SVEP1: variants seen among roughly 807,000 people sequenced by gnomAD.
SVEP1 encodes sushi, von Willebrand factor type A, EGF and pentraxin domain-containing protein 1.
A neutral mutation model predicts 367.3 loss-of-function variants in SVEP1; 164 were observed. The ratio of observed to expected loss-of-function variants is 0.45; its 90% CI spans 0.39 to 0.51. The LOEUF is 0.51. SVEP1 is among the 20% of genes least tolerant of loss of function. SVEP1 has a pLI of 0.00. For synonymous variants in SVEP1, 1,666 were observed against 1,611.6 expected (o/e 1.03, Z -0.81); for missense variants, 4,117 against 4,425.3 (o/e 0.93, Z 1.98).
intron 12 of SVEP1, among the ~76,000 whole-genome samples, chr9:110,480,371 C>A (rs1035747223): frequency 3.3e-5 from 5 of 152,026 alleles, no homozygotes; most frequent in African/African-American, 1.2e-4. Flanking sequence ...GAAAATAGCT[C>A]TGTTAAGTGG....
At chr9:110,371,843 G>A (rs1827281009) in intron 46 of SVEP1, among the ~76,000 whole-genome samples, 1 of 152,164 alleles carries the variant, frequency 6.6e-6, no homozygotes, top group Non-Finnish European at 1.5e-5. Flanking sequence ...TGCCAATTCT[G>A]CTTTTACAAT....
chr9:110,562,404 T>C (rs1275112214), intron 1 of SVEP1, among the ~76,000 whole-genome samples: 1 of 152,146 alleles, frequency 6.6e-6, no homozygotes, highest in Non-Finnish European at 1.5e-5. Flanking sequence ...TCCTATACAA[T>C]ATGATCAAGT....
chr9:110,401,484 A>G (rs1443961737), intron 39 of SVEP1, among the ~76,000 whole-genome samples: 1 of 151,080 alleles, frequency 6.6e-6, no homozygotes, highest in Non-Finnish European at 1.5e-5. Flanking sequence ...GAGAACACCT[A>G]AAAACATTTT....
intron 1 of SVEP1, among the ~76,000 whole-genome samples, chr9:110,571,099 G>A (rs1319698979): frequency 6.6e-6 from 1 of 150,400 alleles, no homozygotes; most frequent in Non-Finnish European, 1.5e-5. Context: ...GCCTCAGCCT[G>A]CTGAGTAGCT....
At chr9:110,539,630 T>C (rs374504351) in intron 3 of SVEP1, among the ~76,000 whole-genome samples, 1 of 132,504 alleles carries the variant, frequency 7.5e-6, no homozygotes, top group Admixed American at 7.8e-5. Flanking sequence ...TATATACACA[T>C]ATATGTATGT....
chr9:110,450,539 G>A (rs1191670162), intron 23 of SVEP1, among the ~76,000 whole-genome samples: 1 of 137,222 alleles, frequency 7.3e-6, no homozygotes, highest in Non-Finnish European at 1.5e-5. Context: ...GCGCGATCTC[G>A]GCTCACTGCA....
At chr9:110,400,298 C>T (rs903478483) in intron 40 of SVEP1, among the ~76,000 whole-genome samples, 3 of 152,038 alleles carry the variant, frequency 2.0e-5, no homozygotes, top group African/African-American at 7.2e-5. Flanking sequence ...CAGCATCTGT[C>T]TTGTGGTTTG....
At chr9:110,458,400 T>TA (rs1828809055) in intron 20 of SVEP1, 71 bp downstream of exon 20, 1 of 1,286,442 alleles carries the variant, frequency 7.8e-7, no homozygotes, top group African/African-American at 1.5e-5. Flanking sequence ...TTTTCCTGTG[T>TA]GTGATGTGTA....
chr9:110,463,868 T>G (rs2118649251), intron 18 of SVEP1, among the ~76,000 whole-genome samples: 1 of 152,236 alleles, frequency 6.6e-6, no homozygotes, highest in Non-Finnish European at 1.5e-5. Flanking sequence ...GAATGTTAAC[T>G]TTTGTCATTC....
intron 3 of SVEP1, among the ~76,000 whole-genome samples, chr9:110,525,085 G>A (rs1829924315): frequency 1.3e-5 from 2 of 151,972 alleles, no homozygotes; most frequent in Non-Finnish European, 2.9e-5. Context: ...AAACAGTAGT[G>A]GAACTTCTAA....
chr9:110,540,995 A>ATCATGAT (rs1210914047), intron 3 of SVEP1, among the ~76,000 whole-genome samples: 1 of 152,162 alleles, frequency 6.6e-6, no homozygotes, highest in East Asian at 1.9e-4. Flanking sequence ...CCACAGTAAT[A>ATCATGAT]TCATGATGGT....
At chr9:110,575,471 G>A (rs921625420) in intron 1 of SVEP1, among the ~76,000 whole-genome samples, 5 of 152,166 alleles carry the variant, frequency 3.3e-5, no homozygotes, top group African/African-American at 9.7e-5. Flanking sequence ...AGGACCTCAT[G>A]AGTATTTAGA....
At position 110,459,111 on chromosome 9, in the gene SVEP1, G is replaced by C. The variant is rs749728992; in HGVS notation, c.3325C>G (p.Pro1109Ala). ...GAVNISACGVPCPEGKFSRSG... is the reference protein window; with the variant it reads ...GAVNISACGVACPEGKFSRSG... ...CGCGAGAATTTTCCTTCTGGACAAG[G>C]AACTGCAGAGGTAAAAACAAATCAT... The change falls in exon 19 of 48, where the codon CCT becomes GCT. Residue 1109 changes from proline to alanine, a missense_variant and splice_region_variant. Pro to Ala is a conservative substitution (Grantham distance 27). Transcript: ENST00000374469. The C allele has an allele frequency of 6.2e-7, 1 of 1,613,290 alleles. No homozygotes were observed. Among genetic ancestry groups the C allele is most frequent in the South Asian group, 1.1e-5 (1 of 90,984 alleles).
intron 32 of SVEP1, among the ~76,000 whole-genome samples, chr9:110,431,102 G>A (rs531476826): frequency 1.4e-4 from 22 of 152,272 alleles, no homozygotes; most frequent in Admixed American, 1.2e-3. Flanking sequence ...TAAAGTAAAT[G>A]CAATTATGAG....
chr9:110,434,265 A>G (rs1828397824), intron 30 of SVEP1, 71 bp downstream of exon 30: 1 of 1,466,968 alleles, frequency 6.8e-7, no homozygotes, highest in Admixed American at 2.2e-5. Context: ...TTTGTCTAGC[A>G]TTCCTGAAAA....
chr9:110,387,195 A>ATG (rs1827538238), intron 42 of SVEP1, 90 bp downstream of exon 42: 1 of 1,371,360 alleles, frequency 7.3e-7, no homozygotes, highest in African/African-American at 1.5e-5. Flanking sequence ...CATATCCCTT[A>ATG]TGAGTGGAGC....
chr9:110,457,520 A>T (rs1330427118), intron 20 of SVEP1, among the ~76,000 whole-genome samples, 168 bp from the exon 21 acceptor site: 1 of 152,174 alleles, frequency 6.6e-6, no homozygotes, highest in Admixed American at 6.5e-5. Flanking sequence ...TGCCTGCCAT[A>T]TAGGGGAGCA....
intron 1 of SVEP1, among the ~76,000 whole-genome samples, chr9:110,559,138 T>C (rs934284965): frequency 3.3e-5 from 5 of 151,954 alleles, no homozygotes; most frequent in Admixed American, 3.3e-4. Context: ...AGGTAAGAAA[T>C]AAATCAGTAG....
chr9:110,370,869 T>C (rs1322283360), intron 46 of SVEP1, among the ~76,000 whole-genome samples: 1 of 152,220 alleles, frequency 6.6e-6, no homozygotes, highest in Admixed American at 6.5e-5. Context: ...CCAATATCTG[T>C]AGCACAGAAA....
Sources: allele counts gnomAD v4.1 joint callset (sites outside exome capture counted in the v4.1 genomes callset), GRCh38; gene constraint gnomAD v4.1.1; transcripts MANE v1.5; gene names NCBI Gene and HGNC (gene_info 2026-07-23, HGNC 2026-07-21).